Variants in AIG1 observed in about 807,000 individuals in gnomAD.
AIG1 encodes androgen induced 1.
A neutral mutation model predicts 31.4 loss-of-function variants in AIG1; 23 were observed. That is an observed-to-expected ratio of 0.73 (90% CI 0.53 to 1.04). AIG1 has a LOEUF of 1.04. Ranked by LOEUF, AIG1 falls within the 50% of genes least tolerant of loss-of-function variation. The probability of loss-of-function intolerance (pLI) is 0.00; values close to 1 mark genes in which losing one functional copy is unlikely to be tolerated. For synonymous variants in AIG1, 100 were observed against 110.5 expected (o/e 0.90, Z 0.60); for missense variants, 274 against 295.0 (o/e 0.93, Z 0.52).
chr6:143,174,869 CT>C (rs1442255919), intron 3 of AIG1, among the ~76,000 whole-genome samples: 1 of 151,948 alleles, frequency 6.6e-6, no homozygotes, highest in Admixed American at 6.6e-5. Context: ...GCCTGAATAC[CT>C]TGTTTTTTTC....
At chr6:143,074,634 C>T (rs1046306372) in intron 1 of AIG1, among the ~76,000 whole-genome samples, 1 of 152,136 alleles carries the variant, frequency 6.6e-6, no homozygotes, top group African/African-American at 2.4e-5. Flanking sequence ...GTTTTGATTA[C>T]CATAGCTTTG....
chr6:143,239,573 C>T (rs1039316183), intron 3 of AIG1, among the ~76,000 whole-genome samples: 11 of 152,242 alleles, frequency 7.2e-5, no homozygotes, highest in Admixed American at 7.2e-4. Flanking sequence ...TCTTTCACCA[C>T]ACGATCTTGT....
chr6:143,159,892 G>T (rs1786173382), intron 2 of AIG1, among the ~76,000 whole-genome samples: 2 of 152,028 alleles, frequency 1.3e-5, no homozygotes, highest in South Asian at 4.2e-4. Flanking sequence ...AAATCACAAT[G>T]GAAATATTTC....
At chr6:143,241,684 G>T (rs1794253337) in intron 3 of AIG1, among the ~76,000 whole-genome samples, 1 of 152,100 alleles carries the variant, frequency 6.6e-6, no homozygotes, top group African/African-American at 2.4e-5. Flanking sequence ...TATTTTATAG[G>T]TGAGGGAACT....
chr6:143,339,883 G>T lies in AIG1; in HGVS notation c.*207G>T. On this transcript the variant is annotated 3_prime_UTR_variant, in exon 6 of 6. Coordinates refer to ENST00000357847, the MANE Select transcript of AIG1 (RefSeq NM_016108.4). ...GAACTCACCCTCACTGTGTGTTAAA[G>T]AATTCTTCCCAAAGTCATTACTGAT... The T allele has an allele frequency of 2.5e-6, 1 of 394,858 alleles. No homozygotes were observed. 24.5% of individuals were successfully genotyped at this position (394,858 alleles called of 1,614,324 possible). A position where few individuals can be genotyped will look rare whatever the true frequency, so the allele number is the denominator to read the frequency against.
At chr6:143,064,792 A>T (rs532669472) in intron 1 of AIG1, among the ~76,000 whole-genome samples, 36 of 152,328 alleles carry the variant, frequency 2.4e-4, no homozygotes, top group African/African-American at 8.2e-4. Flanking sequence ...CAATATGAGG[A>T]TTTGTAAAGA....
chr6:143,287,158 C>A (rs959806772), intron 4 of AIG1, among the ~76,000 whole-genome samples: 11 of 151,936 alleles, frequency 7.2e-5, no homozygotes, highest in African/African-American at 2.7e-4. Context: ...CTCTGCACCC[C>A]GTTTGTGAGA....
In AIG1 at chr6:143,333,962, G is replaced by A; in HGVS notation, c.679+517G>A. 1 of 1,121,408 alleles carries A rather than the reference G, an allele frequency of 8.9e-7. No homozygotes were observed. The highest frequency in any genetic ancestry group is 1.3e-6 in the Non-Finnish European group (1 of 772,684). 69.5% of individuals were successfully genotyped at this position (1,121,408 alleles called of 1,614,324 possible). A position where few individuals can be genotyped will look rare whatever the true frequency, so the allele number is the denominator to read the frequency against. On this transcript the variant is annotated intron_variant, in intron 5 of 5. Transcript: ENST00000357847. This position sits in a 1 kb window ranked among gnomAD's most constrained non-coding sequence, Gnocchi z 4.6. ...CGGCCACCTTGACTCACCAGTGGCT[G>A]TCACGGAAAGTCTGAAAGTGGCAAA...
intron 3 of AIG1, among the ~76,000 whole-genome samples, chr6:143,230,625 C>T (rs1793374506): frequency 6.6e-6 from 1 of 150,536 alleles, no homozygotes; most frequent in Non-Finnish European, 1.5e-5. Context: ...ATTAATAAGA[C>T]AAATATATCA....
intron 1 of AIG1, among the ~76,000 whole-genome samples, chr6:143,133,922 T>C (rs1783494379): frequency 6.6e-6 from 1 of 152,100 alleles, no homozygotes; most frequent in African/African-American, 2.4e-5. Context: ...CTACTTCCTC[T>C]GCCTATAAAC....
chr6:143,187,264 A>G (rs1034504242), intron 3 of AIG1: 11 of 763,212 alleles, frequency 1.4e-5, no homozygotes, highest in Admixed American at 7.1e-5. Flanking sequence ...TACCTATTTG[A>G]AAGATCTTGG....
At chr6:143,070,317 C>A (rs1777134100) in intron 1 of AIG1, among the ~76,000 whole-genome samples, 1 of 151,996 alleles carries the variant, frequency 6.6e-6, no homozygotes, top group Admixed American at 6.5e-5. Context: ...TGACATATCT[C>A]TTCATTTATT....
At chr6:143,189,531 T>C in intron 3 of AIG1, 1 of 985,508 alleles carries the variant, frequency 1.0e-6, no homozygotes, top group South Asian at 4.7e-5. Context: ...GTTATTTGCT[T>C]ATGAATTTTT....
At chr6:143,221,018 T>G (rs183695497) in intron 3 of AIG1, among the ~76,000 whole-genome samples, 2 of 151,738 alleles carry the variant, frequency 1.3e-5, no homozygotes, top group African/African-American at 4.8e-5. Flanking sequence ...TGTTGTTGTT[T>G]AACCGATTTG....
intron 3 of AIG1, among the ~76,000 whole-genome samples, chr6:143,209,540 T>C (rs1364135453): frequency 6.6e-6 from 1 of 152,152 alleles, no homozygotes; most frequent in African/African-American, 2.4e-5. Flanking sequence ...TGGCCATTGC[T>C]GGTTCTGAAG....
At chr6:143,151,882 T>C (rs1254344511) in intron 2 of AIG1, among the ~76,000 whole-genome samples, 1 of 152,240 alleles carries the variant, frequency 6.6e-6, no homozygotes, top group Non-Finnish European at 1.5e-5. Context: ...TATAATCTGA[T>C]GAATTCGGTT....
intron 3 of AIG1, among the ~76,000 whole-genome samples, chr6:143,194,207 T>A (rs1004803138): frequency 5.3e-5 from 8 of 152,146 alleles, no homozygotes; most frequent in African/African-American, 1.9e-4. Flanking sequence ...AAACTTACAA[T>A]CATGGCAGAA....
intron 2 of AIG1, among the ~76,000 whole-genome samples, chr6:143,153,497 G>T (rs779320408): frequency 6.6e-6 from 1 of 152,122 alleles, no homozygotes; most frequent in Admixed American, 6.5e-5. Flanking sequence ...ACAGGTGCCT[G>T]CCAGCATGCC....
In AIG1 at chr6:143,284,704, A is replaced by G. The variant is rs755254770; in HGVS notation, c.515+479A>G. Reference sequence around the variant, plus strand: ...AACCTACTCCAGAATTAACTGTTACATGGAGAATGCATTAAACTGTTCTGT... The same window carrying G: ...AACCTACTCCAGAATTAACTGTTACGTGGAGAATGCATTAAACTGTTCTGT... On this transcript the variant is annotated intron_variant, in intron 4 of 5. Transcript: ENST00000357847. This position sits in a 1 kb window ranked among gnomAD's most constrained non-coding sequence, Gnocchi z 4.4. 1.3e-5 allele frequency among the ~76,000 whole-genome samples: 2 copies of G among 152,298 alleles called. No homozygotes were observed. The highest frequency in any genetic ancestry group is 1.9e-4 in the East Asian group (1 of 5,192).
Sources: gnomAD v4.1 joint callset for allele counts (sites outside exome capture counted in the v4.1 genomes callset) on GRCh38, gnomAD v4.1.1 for gene constraint, Gnocchi (gnomAD v3.1) non-coding constraint, MANE v1.5 for transcripts, NCBI Gene and HGNC (gene_info 2026-07-23, HGNC 2026-07-21) for gene names.